PRKAG2: variants seen among roughly 807,000 people sequenced by gnomAD.
PRKAG2 encodes 5'-AMP-activated protein kinase subunit gamma-2.
Under a neutral mutation model 69.6 loss-of-function variants are expected in PRKAG2, and 26 were observed. The observed-to-expected ratio is 0.37, with a 90% CI of 0.27 to 0.52. The LOEUF is 0.52. Among genes scored for constraint, PRKAG2 ranks in the 20% least tolerant of loss-of-function variants. PRKAG2 has a pLI of 0.90. For missense variants in PRKAG2, 557 were observed against 740.0 expected (o/e 0.75, Z 2.87); for synonymous variants, 293 against 285.0 (o/e 1.03, Z -0.28).
chr7:151,744,305 G>A (rs922113159), intron 3 of PRKAG2, among the ~76,000 whole-genome samples: 5 of 152,202 alleles, frequency 3.3e-5, no homozygotes, highest in South Asian at 2.1e-4. Flanking sequence ...TCCCACTAAC[G>A]TGGTGCTGGT....
chr7:151,682,846 ACC>A (rs1166762001), intron 3 of PRKAG2, among the ~76,000 whole-genome samples: 1 of 151,848 alleles, frequency 6.6e-6, no homozygotes, highest in Non-Finnish European at 1.5e-5. Flanking sequence ...TGGCTCAGAA[ACC>A]CCAGGAAAGA....
At chr7:151,557,518 G>T in intron 15 of PRKAG2, 7 of 984,446 alleles carry the variant, frequency 7.1e-6, no homozygotes, top group Non-Finnish European at 8.4e-6. Flanking sequence ...AAATATGTAG[G>T]TATGTTTTAG....
chr7:151,667,709 A>G (rs1310573721), intron 4 of PRKAG2, among the ~76,000 whole-genome samples: 1 of 152,234 alleles, frequency 6.6e-6, no homozygotes, highest in African/African-American at 2.4e-5. Flanking sequence ...ACCCTGTCAC[A>G]GGCATTTGAA....
chr7:151,826,027 C>T (rs2078897298), intron 1 of PRKAG2, among the ~76,000 whole-genome samples: 1 of 152,108 alleles, frequency 6.6e-6, no homozygotes, highest in African/African-American at 2.4e-5. Context: ...CCCCTCCATC[C>T]CAGAGAACTG....
chr7:151,673,873 C>T (rs1421280135), intron 4 of PRKAG2, among the ~76,000 whole-genome samples: 4 of 136,550 alleles, frequency 2.9e-5, no homozygotes, highest in African/African-American at 5.5e-5. Flanking sequence ...GACAGTGTCT[C>T]GCTCTGTCAC....
intron 4 of PRKAG2, among the ~76,000 whole-genome samples, chr7:151,651,925 G>A (rs1274224584): frequency 6.6e-6 from 1 of 152,206 alleles, no homozygotes; most frequent in Admixed American, 6.5e-5. Flanking sequence ...AAAGGCAGGA[G>A]GCTGGCCAAA....
intron 3 of PRKAG2, among the ~76,000 whole-genome samples, chr7:151,718,526 G>A (rs1335621057): frequency 4.7e-5 from 7 of 150,174 alleles, no homozygotes; most frequent in Non-Finnish European, 8.8e-5. Context: ...CCGTGTCCCC[G>A]CTCTGTAAGT....
chr7:151,650,713 T>C (rs1000121594), intron 4 of PRKAG2, among the ~76,000 whole-genome samples: 1 of 152,158 alleles, frequency 6.6e-6, no homozygotes, highest in African/African-American at 2.4e-5. Context: ...TTAATTCACA[T>C]CAACAAGGCA....
chr7:151,677,003 G>A (rs766119464), intron 3 of PRKAG2, among the ~76,000 whole-genome samples: 1 of 152,218 alleles, frequency 6.6e-6, no homozygotes, highest in Non-Finnish European at 1.5e-5. Flanking sequence ...GTTTCAGAGA[G>A]AGCGTGGCGC....
chr7:151,876,427 G>A (rs2080407008), intron 1 of PRKAG2, 80 bp downstream of exon 1: 3 of 1,390,958 alleles, frequency 2.2e-6, no homozygotes, highest in Non-Finnish European at 2.0e-6. Context: ...CGCGCGGGGC[G>A]TCCAGCGTTA....
intron 4 of PRKAG2, among the ~76,000 whole-genome samples, chr7:151,670,227 C>A (rs1197426104): frequency 4.6e-5 from 7 of 152,220 alleles, no homozygotes; most frequent in Non-Finnish European, 7.3e-5. Flanking sequence ...CTGCTCCATA[C>A]CCCCAGAGCT....
In PRKAG2 at chr7:151,876,531, C is replaced by T. The variant is rs1268890991; in HGVS notation, c.90G>A (p.Arg30=). ...SGGKKNASQK[R]RSLRVHIPDL... is the part of the protein sequence containing the mutation. ...CCGGAATGTGCACGCGCAGCGAACG[C>T]CTCTTCTGGCTGGCATTTTTCTTGC... is the stretch of plus-strand genomic sequence containing the variant. Residue 30 remains arginine, a synonymous_variant, in exon 1 of 16, where the codon AGG becomes AGA. Coordinates refer to ENST00000287878, the MANE Select transcript of PRKAG2 (RefSeq NM_016203.4). 3 of 1,608,316 alleles carry T rather than the reference C, an allele frequency of 1.9e-6. No homozygotes were observed. The South Asian group carries it at 3.3e-5, about 18-fold the overall frequency.
chr7:151,794,124 GC>G (rs1563686051), intron 1 of PRKAG2, among the ~76,000 whole-genome samples: 1 of 151,844 alleles, frequency 6.6e-6, no homozygotes, highest in Non-Finnish European at 1.5e-5. Flanking sequence ...CCCCTTCCCC[GC>G]CCCCCAAGGC....
In PRKAG2 at chr7:151,632,571, C is replaced by T. The variant is rs1307070458; in HGVS notation, c.685-433G>A. ...CACTCCGCCCCCCGGCGCCGCTCAC[C>T]TTCCCAGCACCGGCGGCCGCGCTCG... On this transcript the variant is annotated intron_variant, in intron 4 of 15. Transcript: ENST00000287878. The surrounding 1 kb of genome is among the most constrained non-coding windows in gnomAD (Gnocchi z 4.2). The T allele has an allele frequency of 5.1e-6, 5 of 984,768 alleles. No individual in the cohort carries two copies. Among genetic ancestry groups the T allele is most frequent in the Middle Eastern group, 5.2e-4 (1 of 1,934 alleles). 61.0% of individuals were successfully genotyped at this position (984,768 alleles called of 1,614,324 possible). A position where few individuals can be genotyped will look rare whatever the true frequency, so the allele number is the denominator to read the frequency against.
intron 5 of PRKAG2, among the ~76,000 whole-genome samples, chr7:151,604,300 C>T (rs1357692205): frequency 2.0e-5 from 3 of 152,202 alleles, no homozygotes; most frequent in African/African-American, 7.2e-5. Context: ...CAACATCTTG[C>T]ATTAGCATGG....
intron 3 of PRKAG2, among the ~76,000 whole-genome samples, chr7:151,697,751 G>A (rs1469997957): frequency 6.6e-6 from 1 of 152,086 alleles, no homozygotes; most frequent in Non-Finnish European, 1.5e-5. Flanking sequence ...GCAGGTGCCG[G>A]GAGCAGACAT....
intron 3 of PRKAG2, among the ~76,000 whole-genome samples, chr7:151,720,788 G>A (rs1348762197): frequency 2.3e-5 from 3 of 133,080 alleles, no homozygotes; most frequent in Admixed American, 7.5e-5. Context: ...GGGGACAGGG[G>A]ATTGAGGGGA....
chr7:151,577,157 T>C (rs1004778527), intron 6 of PRKAG2, among the ~76,000 whole-genome samples: 1 of 130,898 alleles, frequency 7.6e-6, no homozygotes, highest in Non-Finnish European at 1.6e-5. Flanking sequence ...TTATTTTTAG[T>C]ATTTTCAATG....
chr7:151,671,130 C>T (rs1025749910), intron 4 of PRKAG2, among the ~76,000 whole-genome samples: 4 of 128,864 alleles, frequency 3.1e-5, no homozygotes, highest in South Asian at 2.5e-4. Context: ...GCTGAGATCG[C>T]GGCAAGGCAC....
Sources: gnomAD v4.1 joint callset for allele counts (sites outside exome capture counted in the v4.1 genomes callset) on GRCh38, gnomAD v4.1.1 for gene constraint, Gnocchi (gnomAD v3.1) non-coding constraint, MANE v1.5 for transcripts, NCBI Gene and HGNC (gene_info 2026-07-23, HGNC 2026-07-21) for gene names.